Variants in PPM1D observed in about 807,000 individuals in gnomAD.
PPM1D encodes protein phosphatase 1D.
In PPM1D, 52 loss-of-function variants were observed where a neutral mutation model predicts 58.3. That is an observed-to-expected ratio of 0.89 (90% CI 0.71 to 1.12). The LOEUF (loss-of-function observed/expected upper bound fraction) is 1.12. PPM1D is among the 50% of genes most tolerant of loss of function. PPM1D has a pLI of 0.00. For synonymous variants in PPM1D, 278 were observed against 285.1 expected, an observed-to-expected ratio of 0.98 and a Z score of 0.25; for missense variants, 564 against 777.2, an observed-to-expected ratio of 0.73 and a Z score of 3.26.
At chr17:60,627,886 ATT>A (rs994526232) in intron 2 of PPM1D, among the ~76,000 whole-genome samples, 4 of 142,706 alleles carry the variant, frequency 2.8e-5, no homozygotes, top group Non-Finnish European at 4.6e-5. Flanking sequence ...TTGAATAGAA[ATT>A]TTTTTTTTTT....
intron 5 of PPM1D, among the ~76,000 whole-genome samples, chr17:60,662,790 C>G (rs2031547579): frequency 6.6e-6 from 1 of 152,160 alleles, no homozygotes; most frequent in African/African-American, 2.4e-5. Context: ...CAATGTCATT[C>G]TTACCTTTAT....
intron 4 of PPM1D, among the ~76,000 whole-genome samples, chr17:60,649,477 T>C (rs1194187151): frequency 6.6e-6 from 1 of 151,718 alleles, no homozygotes; most frequent in East Asian, 1.9e-4. Flanking sequence ...TCACCCAAGG[T>C]CAGGAGTTAA....
At chr17:60,618,713 G>A (rs889901521) in intron 1 of PPM1D, among the ~76,000 whole-genome samples, 12 of 152,198 alleles carry the variant, frequency 7.9e-5, no homozygotes, top group East Asian at 1.9e-4. Flanking sequence ...GTAGGTGTGT[G>A]TATTCTGTTC....
chr17:60,646,082 G>A (rs1241049394), intron 3 of PPM1D, among the ~76,000 whole-genome samples: 2 of 152,138 alleles, frequency 1.3e-5, no homozygotes, highest in Non-Finnish European at 2.9e-5. Context: ...CTATCCTGCA[G>A]TGAGCCATGA....
intron 4 of PPM1D, among the ~76,000 whole-genome samples, chr17:60,651,802 T>TC: frequency 6.6e-6 from 1 of 152,098 alleles, no homozygotes; most frequent in Non-Finnish European, 1.5e-5. Context: ...ATCTAAGTGA[T>TC]CCAGTCAGAG....
chr17:60,627,444 C>CA (rs1296724750), intron 2 of PPM1D, among the ~76,000 whole-genome samples: 1 of 151,074 alleles, frequency 6.6e-6, no homozygotes, highest in Admixed American at 6.6e-5. Context: ...TTTTTTGAGA[C>CA]AGAGTCTTGC....
At position 60,656,777 on chromosome 17, in the gene PPM1D, C is replaced by T; in HGVS notation, c.1196C>T (p.Pro399Leu). Residue 399 changes from proline to leucine, a missense_variant, in exon 5 of 6, where the codon CCT becomes CTT. Transcript: ENST00000305921. Reference protein sequence around the residue: ...DELYLNLTDSPSYNSQETCVM... With the variant: ...DELYLNLTDSLSYNSQETCVM... ...TTATACCTGAACCTGACTGACAGCC[C>T]TTCCTATAATAGTCAAGAAACCTGT... 6.2e-7 allele frequency: 1 copy of T among 1,614,144 alleles called. No homozygotes were observed. The highest frequency in any genetic ancestry group is 8.5e-7 in the Non-Finnish European group (1 of 1,180,024).
chr17:60,611,435 TG>T (rs768007496), intron 1 of PPM1D, among the ~76,000 whole-genome samples: 14 of 151,972 alleles, frequency 9.2e-5, no homozygotes, highest in Admixed American at 2.6e-4. Context: ...TTTGTTTTGT[TG>T]GGTTTTTTTT....
intron 1 of PPM1D, 134 bp downstream of exon 1, chr17:60,601,020 T>C (rs936951674): frequency 7.6e-7 from 1 of 1,318,224 alleles, no homozygotes; most frequent in Non-Finnish European, 1.0e-6. Flanking sequence ...CTAAAAGCTG[T>C]AATAGCGCTT....
chr17:60,605,204 C>T, intron 1 of PPM1D, among the ~76,000 whole-genome samples: 1 of 152,202 alleles, frequency 6.6e-6, no homozygotes, highest in Non-Finnish European at 1.5e-5. Flanking sequence ...GGTGCCACTG[C>T]CTTGACTCCT....
At chr17:60,642,502 A>T (rs1438077307) in intron 3 of PPM1D, among the ~76,000 whole-genome samples, 1 of 151,970 alleles carries the variant, frequency 6.6e-6, no homozygotes, top group East Asian at 1.9e-4. Context: ...CTCTGTCACC[A>T]GGCTGGAGTG....
intron 4 of PPM1D, among the ~76,000 whole-genome samples, chr17:60,653,282 T>C (rs1235643738): frequency 6.6e-6 from 1 of 152,202 alleles, no homozygotes; most frequent in Non-Finnish European, 1.5e-5. Context: ...CATATAGTTA[T>C]CCAGTTTTCC....
chr17:60,645,548 A>ATATATGTGTGTGTGTGTATATATG, intron 3 of PPM1D, among the ~76,000 whole-genome samples: 1 of 127,384 alleles, frequency 7.9e-6, no homozygotes, highest in African/African-American at 4.0e-5. Context: ...ATATATATGT[A>ATATATGTGTGTGTGTGTATATATG]TATATATGTG....
At chr17:60,645,580 A>G (rs796127424) in intron 3 of PPM1D, among the ~76,000 whole-genome samples, 5 of 131,634 alleles carry the variant, frequency 3.8e-5, no homozygotes, top group African/African-American at 1.7e-4. Context: ...ATGTATATAT[A>G]TATGTGTGTA....
Position 60,612,132 on chromosome 17 carries a change from G to T in PPM1D, c.472+11246G>T, listed in dbSNP as rs528980669. ...TACTCTGATAATTTTTGACATATGC[G>T]CATGTCAAGCCATCATCACATTCAA... is the stretch of plus-strand genomic sequence containing the variant. On this transcript the variant is annotated intron_variant, in intron 1 of 5. Transcript: ENST00000305921. 3.3e-5 allele frequency among the ~76,000 whole-genome samples: 5 copies of T among 152,052 alleles called. No homozygotes were observed. In the South Asian group the frequency reaches 8.3e-4, roughly 25 times the overall value.
chr17:60,632,874 GAAT>G (rs1208571378), intron 2 of PPM1D, among the ~76,000 whole-genome samples: 1 of 152,138 alleles, frequency 6.6e-6, no homozygotes, highest in African/African-American at 2.4e-5. Context: ...GGCTGAGGCA[GAAT>G]AATCGCTTGA....
At chr17:60,622,906 G>A (rs1004937951) in intron 1 of PPM1D, among the ~76,000 whole-genome samples, 3 of 152,202 alleles carry the variant, frequency 2.0e-5, no homozygotes, top group African/African-American at 7.2e-5. Flanking sequence ...AGACCAGCCT[G>A]ACCAACATGG....
chr17:60,603,599 C>T (rs2030267209), intron 1 of PPM1D, among the ~76,000 whole-genome samples: 1 of 152,144 alleles, frequency 6.6e-6, no homozygotes, highest in African/African-American at 2.4e-5. Context: ...CTTGTCTCTA[C>T]TAAAAATACA....
chr17:60,616,592 A>G lies in PPM1D; in HGVS notation c.473-6929A>G, dbSNP rs527397545. Among the ~76,000 whole-genome samples, 141 of 152,300 alleles carry G rather than the reference A, an allele frequency of 9.3e-4. 1 individual carries two copies. Among genetic ancestry groups the G allele is most frequent in the African/African-American group, 3.3e-3 (138 of 41,556 alleles). On this transcript the variant is annotated intron_variant, in intron 1 of 5. Coordinates refer to ENST00000305921, the MANE Select transcript of PPM1D (RefSeq NM_003620.4). Reference sequence around the variant, plus strand: ...GCCTCTGCACTCCGGCCTGGGTGACAGAGTGAGACTGTCTCAAAAAAAGAA... The same window carrying G: ...GCCTCTGCACTCCGGCCTGGGTGACGGAGTGAGACTGTCTCAAAAAAAGAA...
Sources: gnomAD v4.1 joint callset for allele counts (sites outside exome capture counted in the v4.1 genomes callset) on GRCh38, gnomAD v4.1.1 for gene constraint, MANE v1.5 for transcripts, NCBI Gene and HGNC (gene_info 2026-07-23, HGNC 2026-07-21) for gene names.